Variants in SLC35D4 observed in about 807,000 individuals in gnomAD.
SLC35D4 encodes the protein UDP-N-acetylglucosamine transporter SLC35D4.
the SLC35D4 span, among the ~76,000 whole-genome samples, chr18:23,301,686 A>G: frequency 3.9e-5 from 6 of 152,236 alleles, no homozygotes; most frequent in Non-Finnish European, 7.3e-5. Flanking sequence ...TGCTTAAACT[A>G]TTCCAAAGAG....
At chr18:23,433,562 C>T in the SLC35D4 span, among the ~76,000 whole-genome samples, 2 of 152,190 alleles carry the variant, frequency 1.3e-5, no homozygotes, top group Non-Finnish European at 2.9e-5. Flanking sequence ...AGGAACACGT[C>T]ATCAGCCAGG....
chr18:23,326,324 C>T, the SLC35D4 span, among the ~76,000 whole-genome samples: 7 of 152,040 alleles, frequency 4.6e-5, no homozygotes, highest in Admixed American at 2.0e-4. Context: ...CGTGCAAAGA[C>T]GCACATAGGC....
the SLC35D4 span, chr18:23,373,700 A>C: frequency 6.2e-7 from 1 of 1,613,504 alleles, no homozygotes; most frequent in Admixed American, 1.7e-5. Context: ...AAATGAGTTC[A>C]CTTGGACTTA....
chr18:23,434,049 G>A, the SLC35D4 span, among the ~76,000 whole-genome samples: 1 of 152,112 alleles, frequency 6.6e-6, no homozygotes. Flanking sequence ...CCTCTACTTA[G>A]TCCAAGCCGA....
the SLC35D4 span, among the ~76,000 whole-genome samples, chr18:23,437,343 G>C: frequency 6.6e-6 from 1 of 152,296 alleles, no homozygotes; most frequent in East Asian, 1.9e-4. Flanking sequence ...GTGTGAGGGG[G>C]AGACGGCTTA....
chr18:23,292,976 A>C, the SLC35D4 span, among the ~76,000 whole-genome samples: 1 of 152,198 alleles, frequency 6.6e-6, no homozygotes, highest in South Asian at 2.1e-4. Flanking sequence ...GTGGTGGCTC[A>C]CGCCTATAAT....
At chr18:23,400,061 C>T in the SLC35D4 span, among the ~76,000 whole-genome samples, 1 of 152,130 alleles carries the variant, frequency 6.6e-6, no homozygotes, top group Non-Finnish European at 1.5e-5. Context: ...GGAATCACAA[C>T]AAAAAGAACC....
At chr18:23,426,819 T>G in the SLC35D4 span, among the ~76,000 whole-genome samples, 5 of 152,050 alleles carry the variant, frequency 3.3e-5, no homozygotes, top group African/African-American at 9.7e-5. Context: ...CAAAAACAGA[T>G]ATATAGACCA....
the SLC35D4 span, among the ~76,000 whole-genome samples, chr18:23,307,611 C>A: frequency 6.6e-6 from 1 of 152,246 alleles, no homozygotes; most frequent in Non-Finnish European, 1.5e-5. Flanking sequence ...CAGATGAGAG[C>A]TCCGAGGCCT....
the SLC35D4 span, among the ~76,000 whole-genome samples, chr18:23,371,935 G>GTTTTTTTTTTTT: frequency 0.014 from 497 of 35,272 alleles, 74 homozygotes; most frequent in East Asian, 0.021. Context: ...TGTTTTTTTT[G>GTTTTTTTTTTTT]TTTTTTTTTT....
chr18:23,365,627 C>T, the SLC35D4 span: 5 of 1,613,462 alleles, frequency 3.1e-6, no homozygotes, highest in East Asian at 2.2e-5. Context: ...ACTCCGGGGG[C>T]ATTTACCTGT....
chr18:23,297,378 T>C, the SLC35D4 span: 5 of 151,562 alleles, frequency 3.3e-5, no homozygotes, highest in Non-Finnish European at 5.9e-5. Context: ...ATAGAAAAAA[T>C]GAGACGGGTC....
At chr18:23,328,548 TAA>T in the SLC35D4 span, among the ~76,000 whole-genome samples, 2 of 151,960 alleles carry the variant, frequency 1.3e-5, no homozygotes, top group Non-Finnish European at 2.9e-5. Flanking sequence ...CTCAACAAAA[TAA>T]AAGAGGACAC....
the SLC35D4 span, among the ~76,000 whole-genome samples, chr18:23,414,405 G>A: frequency 5.3e-5 from 8 of 151,692 alleles, no homozygotes; most frequent in East Asian, 1.6e-3. Flanking sequence ...GGGCACGGTG[G>A]CTCATGCCTG....
chr18:23,282,632 G>A, the SLC35D4 span, among the ~76,000 whole-genome samples: 1 of 152,192 alleles, frequency 6.6e-6, no homozygotes, highest in African/African-American at 2.4e-5. Flanking sequence ...GCTGTCTGTG[G>A]GGAGCTTGTC....
chr18:23,366,098 G>C, the SLC35D4 span, among the ~76,000 whole-genome samples: 23 of 152,208 alleles, frequency 1.5e-4, 1 homozygote, highest in African/African-American at 4.1e-4. Context: ...GTAGAAGATA[G>C]TTACATTTCC....
the SLC35D4 span, among the ~76,000 whole-genome samples, chr18:23,427,872 A>T: frequency 1.3e-5 from 2 of 152,186 alleles, no homozygotes; most frequent in Non-Finnish European, 2.9e-5. Flanking sequence ...CTTTGTAGGG[A>T]CATGGATGAA....
the SLC35D4 span, among the ~76,000 whole-genome samples, chr18:23,363,364 A>ATTTTTTTT: frequency 3.8e-4 from 34 of 90,460 alleles, 5 homozygotes; most frequent in African/African-American, 1.5e-3. Flanking sequence ...ACAAAAGCAC[A>ATTTTTTTT]TTTTTTTTTT....
the SLC35D4 span, among the ~76,000 whole-genome samples, chr18:23,295,686 C>G: frequency 5.9e-5 from 9 of 152,156 alleles, no homozygotes; most frequent in Non-Finnish European, 1.0e-4. Context: ...GTTTCTTTTT[C>G]TCTCTTTTCT....
Sources: allele counts gnomAD v4.1 joint callset (sites outside exome capture counted in the v4.1 genomes callset), GRCh38; gene constraint gnomAD v4.1.1; transcripts MANE v1.5; gene names NCBI Gene and HGNC (gene_info 2026-07-23, HGNC 2026-07-21).